The following PTPRD variants were observed in gnomAD, a reference collection of about 807,000 sequenced individuals.
PTPRD encodes receptor-type tyrosine-protein phosphatase delta.
A neutral mutation model predicts 214.5 loss-of-function variants in PTPRD; 34 were observed. That is an observed-to-expected ratio of 0.16 (90% confidence interval 0.12 to 0.21). The LOEUF (loss-of-function observed/expected upper bound fraction) is 0.21, where lower values mean the gene tolerates loss of function less well. Among genes scored for constraint, PTPRD ranks in the 10% least tolerant of loss-of-function variants. The pLI, the probability that PTPRD is intolerant of heterozygous loss-of-function variation, is 1.00. For synonymous variants in PTPRD, 1,128 were observed against 845.7 expected, an observed-to-expected ratio of 1.33 and a Z score of -5.79; for missense variants, 2,545 against 2,398.7, an observed-to-expected ratio of 1.06 and a Z score of -1.27.
intron 2 of PTPRD, among the ~76,000 whole-genome samples, chr9:10,420,362 C>T (rs1311502960): frequency 6.6e-6 from 1 of 151,780 alleles, no homozygotes; most frequent in Non-Finnish European, 1.5e-5. Context: ...GAAAATGGCT[C>T]AACAATTCTC....
chr9:10,171,840 C>A (rs899420070), intron 3 of PTPRD, among the ~76,000 whole-genome samples: 2 of 151,978 alleles, frequency 1.3e-5, no homozygotes, highest in Non-Finnish European at 2.9e-5. Flanking sequence ...TCTTTATTAG[C>A]AGTGTGAAAA....
chr9:8,366,456 C>CT (rs148531056), intron 39 of PTPRD, among the ~76,000 whole-genome samples: 1,827 of 152,156 alleles, frequency 0.012, 28 homozygotes, highest in African/African-American at 0.042. Flanking sequence ...AGCAAGACTG[C>CT]TCATGTCCCT....
At chr9:9,485,250 T>C (rs2095579201) in intron 8 of PTPRD, among the ~76,000 whole-genome samples, 1 of 152,212 alleles carries the variant, frequency 6.6e-6, no homozygotes, top group African/African-American at 2.4e-5. Flanking sequence ...CTAGACTTAA[T>C]ATCTAAGCAT....
At chr9:9,493,023 C>T (rs1248368260) in intron 8 of PTPRD, among the ~76,000 whole-genome samples, 1 of 148,676 alleles carries the variant, frequency 6.7e-6, no homozygotes, top group Non-Finnish European at 1.5e-5. Context: ...ATCACTCTCC[C>T]TCTCCTCAGG....
intron 44 of PTPRD, among the ~76,000 whole-genome samples, chr9:8,325,394 A>T (rs1192554392): frequency 6.7e-6 from 1 of 148,918 alleles, no homozygotes; most frequent in Non-Finnish European, 1.5e-5. Context: ...CAAAGATAAG[A>T]TGTTTGCAGA....
intron 7 of PTPRD, among the ~76,000 whole-genome samples, chr9:9,691,100 T>C (rs2097262636): frequency 6.6e-6 from 1 of 152,086 alleles, no homozygotes; most frequent in East Asian, 1.9e-4. Flanking sequence ...AATAACATCA[T>C]GGAAAAATGG....
intron 11 of PTPRD, among the ~76,000 whole-genome samples, chr9:8,960,182 G>A (rs2099151572): frequency 6.6e-6 from 1 of 152,026 alleles, no homozygotes; most frequent in African/African-American, 2.4e-5. Context: ...GATAGTATTA[G>A]TTCTAGGTCA....
At chr9:9,187,384 C>G (rs535951106) in intron 9 of PTPRD, among the ~76,000 whole-genome samples, 1 of 151,936 alleles carries the variant, frequency 6.6e-6, no homozygotes, top group Non-Finnish European at 1.5e-5. Context: ...CCTTAAACAC[C>G]AGGTAAGTAA....
chr9:9,446,380 T>C (rs574991874), intron 8 of PTPRD, among the ~76,000 whole-genome samples: 1 of 152,170 alleles, frequency 6.6e-6, no homozygotes, highest in Non-Finnish European at 1.5e-5. Flanking sequence ...ATCTACTTAA[T>C]ATACCTGTGA....
chr9:9,961,533 C>T (rs1187506536), intron 4 of PTPRD, among the ~76,000 whole-genome samples: 2 of 152,224 alleles, frequency 1.3e-5, no homozygotes, highest in African/African-American at 2.4e-5. Context: ...TTAAATGGAG[C>T]TGGCTATATA....
intron 9 of PTPRD, among the ~76,000 whole-genome samples, chr9:9,290,061 T>C (rs1288019563): frequency 6.6e-6 from 1 of 151,736 alleles, no homozygotes; most frequent in Non-Finnish European, 1.5e-5. Context: ...TCATACCAAT[T>C]TGTATTCCCA....
chr9:9,050,423 A>G (rs1201276839), intron 10 of PTPRD, among the ~76,000 whole-genome samples: 1 of 152,154 alleles, frequency 6.6e-6, no homozygotes, highest in African/African-American at 2.4e-5. Context: ...GTCTCTCAAC[A>G]ATCAAAGACA....
At position 10,265,181 on chromosome 9, in the gene PTPRD, T is replaced by C. The variant is rs2093971958; in HGVS notation, c.-545+75782A>G. The stretch of plus-strand genomic sequence containing the variant: ...TTAGTCAATGAGAAAATAGCAAATA[T>C]GATACAATCAGAGGCTTGAAAACTT... On this transcript the variant is annotated intron_variant, in intron 3 of 45. Coordinates refer to ENST00000381196, the MANE Select transcript of PTPRD (RefSeq NM_002839.4). 2.0e-5 allele frequency among the ~76,000 whole-genome samples: 3 copies of C among 152,166 alleles called. No homozygotes were observed. In the South Asian group the frequency reaches 6.2e-4, roughly 32 times the overall value.
chr9:9,705,137 C>T (rs1313748088), intron 7 of PTPRD, among the ~76,000 whole-genome samples: 1 of 152,154 alleles, frequency 6.6e-6, no homozygotes, highest in East Asian at 1.9e-4. Context: ...ATCCTACATA[C>T]TTGGCTGAAT....
Position 10,391,902 on chromosome 9 carries a change from A to G in PTPRD, c.-599-50885T>C, listed in dbSNP as rs185939870. On this transcript the variant is annotated intron_variant, in intron 2 of 45. Transcript: ENST00000381196. ...GGTTTCTGCACTTGCTATATCTATTATCAAGAGTTCTTTTTCTCCAGGTCA... is the reference window on the plus strand; with the variant it reads ...GGTTTCTGCACTTGCTATATCTATTGTCAAGAGTTCTTTTTCTCCAGGTCA... 5.3e-4 allele frequency among the ~76,000 whole-genome samples: 80 copies of G among 151,904 alleles called. 1 individual carries two copies. The highest frequency in any genetic ancestry group is 7.5e-4 in the Non-Finnish European group (51 of 67,864).
At chr9:9,605,213 T>C (rs1475504576) in intron 7 of PTPRD, among the ~76,000 whole-genome samples, 1 of 152,088 alleles carries the variant, frequency 6.6e-6, no homozygotes, top group Non-Finnish European at 1.5e-5. Flanking sequence ...ACAATACTTT[T>C]CACAGTGAAA....
At chr9:9,595,391 C>CATATACAT (rs1417100166) in intron 7 of PTPRD, among the ~76,000 whole-genome samples, 1 of 144,876 alleles carries the variant, frequency 6.9e-6, no homozygotes, top group Non-Finnish European at 1.5e-5. Flanking sequence ...TATATTCCAC[C>CATATACAT]ATATACATAT....
chr9:8,838,624 T>C (rs923897013), intron 11 of PTPRD, among the ~76,000 whole-genome samples: 3 of 152,170 alleles, frequency 2.0e-5, no homozygotes, highest in Non-Finnish European at 4.4e-5. Flanking sequence ...AGATTTTTTT[T>C]TTACATTCTA....
At chr9:10,570,124 G>C (rs555206865) in intron 2 of PTPRD, among the ~76,000 whole-genome samples, 1 of 152,092 alleles carries the variant, frequency 6.6e-6, no homozygotes, top group Non-Finnish European at 1.5e-5. Context: ...TAAGGAGACT[G>C]TTCATGGGTC....
Sources: allele counts gnomAD v4.1 joint callset (sites outside exome capture counted in the v4.1 genomes callset), GRCh38; gene constraint gnomAD v4.1.1; transcripts MANE v1.5; gene names NCBI Gene and HGNC (gene_info 2026-07-23, HGNC 2026-07-21).